CNTNAP5: variants seen among roughly 807,000 people sequenced by gnomAD.
CNTNAP5 encodes the protein contactin-associated protein-like 5.
A neutral mutation model predicts 150.2 loss-of-function variants in CNTNAP5; 72 were observed. The ratio of observed to expected loss-of-function variants is 0.48; its 90% confidence interval spans 0.40 to 0.58. The LOEUF is 0.58. CNTNAP5 is among the 20% of genes least tolerant of loss of function. The probability of loss-of-function intolerance (pLI) is 0.00; values close to 1 mark genes in which losing one functional copy is unlikely to be tolerated. For missense variants in CNTNAP5, 1,636 were observed against 1,626.2 expected (o/e 1.01, Z -0.10); for synonymous variants, 672 against 619.8 (o/e 1.08, Z -1.25).
chr2:124,470,506 A>T (rs959225925), intron 6 of CNTNAP5, among the ~76,000 whole-genome samples: 1 of 152,038 alleles, frequency 6.6e-6, no homozygotes. Flanking sequence ...TTATTCTCCC[A>T]TTTTGTAGGC....
intron 17 of CNTNAP5, among the ~76,000 whole-genome samples, chr2:124,783,576 A>G (rs1681499352): frequency 6.6e-6 from 1 of 152,186 alleles, no homozygotes; most frequent in Admixed American, 6.5e-5. Context: ...GTCTTTCACA[A>G]CATTTATTTC....
intron 10 of CNTNAP5, among the ~76,000 whole-genome samples, chr2:124,530,822 A>G (rs534366936): frequency 6.6e-6 from 1 of 152,098 alleles, no homozygotes; most frequent in South Asian, 2.1e-4. Flanking sequence ...AGGCCAAACC[A>G]CCAGCCTCAT....
chr2:124,858,604 G>A (rs560821721), intron 19 of CNTNAP5, among the ~76,000 whole-genome samples: 5 of 152,266 alleles, frequency 3.3e-5, no homozygotes, highest in South Asian at 2.1e-4. Flanking sequence ...AATCAATATC[G>A]TGAAAATCAA....
At chr2:124,028,357 AC>A in intron 1 of CNTNAP5, among the ~76,000 whole-genome samples, 1 of 151,912 alleles carries the variant, frequency 6.6e-6, no homozygotes. Flanking sequence ...TCATAATCTG[AC>A]CGAAACCTGG....
intron 10 of CNTNAP5, among the ~76,000 whole-genome samples, chr2:124,543,891 G>A (rs368684619): frequency 1.4e-3 from 209 of 151,918 alleles, no homozygotes; most frequent in Non-Finnish European, 2.2e-3. Flanking sequence ...TTCTACAGTG[G>A]ATTCTAACTA....
intron 7 of CNTNAP5, among the ~76,000 whole-genome samples, chr2:124,495,202 A>G (rs1238423103): frequency 6.6e-6 from 1 of 152,172 alleles, no homozygotes; most frequent in African/African-American, 2.4e-5. Flanking sequence ...TTACTTAAAT[A>G]TTTATATAAT....
intron 3 of CNTNAP5, among the ~76,000 whole-genome samples, chr2:124,302,270 A>G (rs1463465388): frequency 6.6e-6 from 1 of 152,252 alleles, no homozygotes; most frequent in Non-Finnish European, 1.5e-5. Context: ...CAAATAAATA[A>G]ATAAATAAGT....
chr2:124,165,596 C>T (rs1055691144), intron 1 of CNTNAP5, among the ~76,000 whole-genome samples: 1 of 152,140 alleles, frequency 6.6e-6, no homozygotes, highest in African/African-American at 2.4e-5. Flanking sequence ...ACCTTTCTCT[C>T]ACCTCCCCTG....
chr2:124,609,454 G>T lies in CNTNAP5; in HGVS notation c.1757-347G>T, dbSNP rs141645838. 3.9e-4 allele frequency among the ~76,000 whole-genome samples: 60 copies of T among 152,108 alleles called. No homozygotes were observed. The East Asian group carries it at 0.011, about 29-fold the overall frequency. On this transcript the variant is annotated intron_variant, in intron 11 of 23. Coordinates refer to ENST00000682447, the MANE Select transcript of CNTNAP5 (RefSeq NM_001367498.1). The stretch of plus-strand genomic sequence containing the variant: ...CATTTTTTTAAAAAAATTAGTCAGG[G>T]TGGTGGCTCACACCTATACTCCCAG...
chr2:124,737,581 G>A (rs1250484356), intron 13 of CNTNAP5, among the ~76,000 whole-genome samples: 1 of 152,176 alleles, frequency 6.6e-6, no homozygotes, highest in African/African-American at 2.4e-5. Context: ...GGGCCATGGC[G>A]AGAAGGTGGG....
chr2:124,274,297 G>A (rs1019481158), intron 3 of CNTNAP5, among the ~76,000 whole-genome samples: 3 of 152,148 alleles, frequency 2.0e-5, no homozygotes, highest in Non-Finnish European at 4.4e-5. Context: ...TTCACAGACA[G>A]CATCTAAGTT....
At chr2:124,041,933 C>T (rs1308758636) in intron 1 of CNTNAP5, among the ~76,000 whole-genome samples, 2 of 152,124 alleles carry the variant, frequency 1.3e-5, no homozygotes, top group Non-Finnish European at 2.9e-5. Flanking sequence ...GCCATCTCAC[C>T]TCACTGCAAC....
intron 1 of CNTNAP5, among the ~76,000 whole-genome samples, chr2:124,119,029 G>T (rs1351873316): frequency 2.0e-5 from 3 of 152,138 alleles, no homozygotes; most frequent in African/African-American, 4.8e-5. Flanking sequence ...TCTGTTGGTG[G>T]ATCAGACCAA....
At chr2:124,477,275 A>G (rs569463345) in intron 7 of CNTNAP5, among the ~76,000 whole-genome samples, 57 of 152,270 alleles carry the variant, frequency 3.7e-4, no homozygotes, top group African/African-American at 1.4e-3. Context: ...TATGGCTTAA[A>G]TGACTTTGTG....
At chr2:124,481,965 G>A (rs539178948) in intron 7 of CNTNAP5, among the ~76,000 whole-genome samples, 13 of 152,300 alleles carry the variant, frequency 8.5e-5, no homozygotes, top group East Asian at 3.9e-4. Flanking sequence ...CCCACTGGCC[G>A]TGTATACAGG....
chr2:124,354,516 T>A (rs1689950813), intron 3 of CNTNAP5, among the ~76,000 whole-genome samples: 1 of 152,194 alleles, frequency 6.6e-6, no homozygotes, highest in African/African-American at 2.4e-5. Flanking sequence ...TTAAAGCTAA[T>A]CTTGCCAGAT....
At chr2:124,711,900 C>T (rs1679816217) in intron 13 of CNTNAP5, among the ~76,000 whole-genome samples, 1 of 152,142 alleles carries the variant, frequency 6.6e-6, no homozygotes, top group Non-Finnish European at 1.5e-5. Context: ...AATTCAGCAC[C>T]TCATCACAGA....
In CNTNAP5 at chr2:124,772,891, C is replaced by T; in HGVS notation, c.2626C>T (p.His876Tyr). The change falls in exon 17 of 24, where the codon CAC becomes TAC. Residue 876 changes from histidine to tyrosine, a missense_variant. His to Tyr is a moderately conservative substitution (Grantham distance 83, BLOSUM62 2). Coordinates refer to ENST00000682447, the MANE Select transcript of CNTNAP5 (RefSeq NM_001367498.1). ...SPSLLNDNQW[H>Y]YVRAERNLKE... ...TTCTCTTCTGAATGACAACCAATGG[C>T]ACTATGTCCGGGCTGAGAGGAACCT... The T allele has an allele frequency of 6.2e-7, 1 of 1,613,610 alleles. No individual in the cohort carries two copies. The highest frequency in any genetic ancestry group is 8.5e-7 in the Non-Finnish European group (1 of 1,179,652).
intron 1 of CNTNAP5, among the ~76,000 whole-genome samples, chr2:124,050,549 A>T: frequency 6.6e-6 from 1 of 152,102 alleles, no homozygotes; most frequent in East Asian, 1.9e-4. Context: ...GATAAGGGGC[A>T]TATCTACTCC....
Sources: allele counts gnomAD v4.1 joint callset (sites outside exome capture counted in the v4.1 genomes callset), GRCh38; gene constraint gnomAD v4.1.1; transcripts MANE v1.5; gene names NCBI Gene and HGNC (gene_info 2026-07-23, HGNC 2026-07-21).